Variants in RPN2 observed in about 807,000 individuals in gnomAD.
The protein encoded by RPN2 is dolichyl-diphosphooligosaccharide--protein glycosyltransferase subunit 2.
In RPN2, 29 loss-of-function variants were observed where a neutral mutation model predicts 71.4. That is an observed-to-expected ratio of 0.41 (90% CI 0.30 to 0.55). The LOEUF (loss-of-function observed/expected upper bound fraction) is 0.55, where lower values mean the gene tolerates loss of function less well. RPN2 is among the 20% of genes least tolerant of loss of function. The probability of loss-of-function intolerance (pLI) is 0.35; values close to 1 mark genes in which losing one functional copy is unlikely to be tolerated. For missense variants in RPN2, 726 were observed against 774.1 expected, an observed-to-expected ratio of 0.94 and a Z score of 0.74; for synonymous variants, 308 against 305.0, an observed-to-expected ratio of 1.01 and a Z score of -0.10.
At chr20:37,217,493 A>C (rs1037817636) in intron 9 of RPN2, among the ~76,000 whole-genome samples, 1 of 151,246 alleles carries the variant, frequency 6.6e-6, no homozygotes, top group Admixed American at 6.6e-5. Context: ...GGGTTTCACT[A>C]TGTTGGCCAG....
chr20:37,219,900 C>G (rs574548463), intron 9 of RPN2, among the ~76,000 whole-genome samples: 1 of 152,334 alleles, frequency 6.6e-6, no homozygotes, highest in African/African-American at 2.4e-5. Flanking sequence ...ACTCATAATT[C>G]TATTTCATTA....
At chr20:37,209,378 C>T (rs1359872052) in intron 7 of RPN2, among the ~76,000 whole-genome samples, 1 of 152,086 alleles carries the variant, frequency 6.6e-6, no homozygotes, top group African/African-American at 2.4e-5. Context: ...AGGCTGGTCC[C>T]AAACTCCTGG....
Position 37,238,872 on chromosome 20 carries a change from G to T in RPN2, c.1883+2163G>T. 4 of 519,508 alleles carry T rather than the reference G, an allele frequency of 7.7e-6. 1 individual carries two copies. The highest frequency in any genetic ancestry group is 5.6e-5 in the South Asian group (4 of 71,474). The allele number at this position is 519,508 out of a possible 1,614,324, so 32.2% of individuals were successfully genotyped here. On this transcript the variant is annotated intron_variant, in intron 16 of 16. Transcript: ENST00000237530. ...CTTGTCACTGTTTCTAGACTTTTCT[G>T]TAACACCGATCTCTAGTTGGGCTAA...
chr20:37,233,972 C>T (rs1446747001), intron 14 of RPN2, 48 bp from the exon 15 acceptor site: 1 of 1,599,572 alleles, frequency 6.3e-7, no homozygotes, highest in Non-Finnish European at 8.6e-7. Context: ...GTGTTGCTTC[C>T]CTTTTAAGTT....
intron 6 of RPN2, 141 bp downstream of exon 6, chr20:37,205,042 T>A: frequency 8.0e-7 from 1 of 1,252,980 alleles, no homozygotes; most frequent in South Asian, 1.4e-5. Context: ...GGATTAAGAA[T>A]GAGAAATAGA....
chr20:37,204,661 G>T, intron 5 of RPN2, 106 bp from the exon 6 acceptor site: 1 of 1,207,576 alleles, frequency 8.3e-7, no homozygotes, highest in Non-Finnish European at 1.2e-6. Flanking sequence ...TTCAGATTTA[G>T]AGTGAGAGAT....
intron 2 of RPN2, among the ~76,000 whole-genome samples, chr20:37,197,609 A>T (rs1007044247): frequency 1.3e-5 from 2 of 151,936 alleles, no homozygotes; most frequent in Non-Finnish European, 2.9e-5. Context: ...TTTCTTTTTT[A>T]TTTTTATTTT....
At chr20:37,210,336 T>G (rs1226677561) in intron 8 of RPN2, among the ~76,000 whole-genome samples, 171 bp downstream of exon 8, 5 of 152,212 alleles carry the variant, frequency 3.3e-5, no homozygotes, top group Non-Finnish European at 5.9e-5. Flanking sequence ...TTATTTGGTT[T>G]TACTGTTTCA....
intron 9 of RPN2, among the ~76,000 whole-genome samples, chr20:37,222,000 G>A (rs2067970519): frequency 6.6e-6 from 1 of 152,224 alleles, no homozygotes; most frequent in South Asian, 2.1e-4. Flanking sequence ...TGGGGAAAGT[G>A]CTCTCAGCAG....
Position 37,215,966 on chromosome 20 carries a change from A to G in RPN2, c.1092+2101A>G, listed in dbSNP as rs551365839. On this transcript the variant is annotated intron_variant, in intron 9 of 16. Transcript: ENST00000237530. Reference sequence around the variant, plus strand: ...GAGTGATATATGTTTAGTTGTGAGCATCAGATATCTTCCCCTAGAATTGCT... The same window carrying G: ...GAGTGATATATGTTTAGTTGTGAGCGTCAGATATCTTCCCCTAGAATTGCT... 2.0e-5 allele frequency among the ~76,000 whole-genome samples: 3 copies of G among 152,270 alleles called. No homozygotes were observed. The South Asian group carries it at 6.2e-4, about 32-fold the overall frequency.
intron 2 of RPN2, among the ~76,000 whole-genome samples, chr20:37,186,501 A>G (rs370731659): frequency 5.8e-4 from 88 of 152,294 alleles, no homozygotes; most frequent in Middle Eastern, 3.4e-3. Context: ...TTTTGTAGAG[A>G]TGAGGTCTCG....
intron 15 of RPN2, among the ~76,000 whole-genome samples, chr20:37,234,519 A>C (rs926904477): frequency 2.0e-5 from 3 of 152,322 alleles, no homozygotes; most frequent in East Asian, 1.9e-4. Context: ...TCCTTTCCAC[A>C]GTCAGACATG....
chr20:37,221,134 C>G (rs879669759), intron 9 of RPN2, among the ~76,000 whole-genome samples: 2 of 152,106 alleles, frequency 1.3e-5, no homozygotes, highest in Admixed American at 1.3e-4. Context: ...TAAGTGAAAA[C>G]CTAAAAGCTG....
At chr20:37,224,007 G>C in intron 10 of RPN2, 38 bp downstream of exon 10, 1 of 1,559,202 alleles carries the variant, frequency 6.4e-7, no homozygotes, top group Non-Finnish European at 8.8e-7. Context: ...GGGAGCTGAG[G>C]CTCAAGAGCT....
Position 37,228,660 on chromosome 20 carries a change from T to G in RPN2, c.1410T>G (p.Ile470Met). The change falls in exon 12 of 17, where the codon ATT becomes ATG. Residue 470 changes from isoleucine (I) to methionine (M), a missense_variant. Ile to Met is a conservative substitution (Grantham distance 10). Transcript: ENST00000237530. The part of the protein sequence containing the change: ...KFELDTSERK[I>M]EFDSASGTYT... ...AACTGGATACCTCTGAAAGAAAGAT[T>G]GAATTTGACTCTGCCTCTGGCACCT... 1 of 1,614,160 alleles carries G rather than the reference T, an allele frequency of 6.2e-7. No individual in the cohort carries two copies. Among genetic ancestry groups the G allele is most frequent in the South Asian group, 1.1e-5 (1 of 91,088 alleles).
intron 12 of RPN2, among the ~76,000 whole-genome samples, chr20:37,229,227 T>C (rs1399889411): frequency 6.6e-6 from 1 of 152,214 alleles, no homozygotes; most frequent in Non-Finnish European, 1.5e-5. Context: ...ATGTTGTTGT[T>C]TACATAGTGC....
At position 37,203,461 on chromosome 20, in the gene RPN2, C is replaced by T. The variant is rs6017499; in HGVS notation, c.480-424C>T. On this transcript the variant is annotated intron_variant, in intron 4 of 16. Coordinates refer to ENST00000237530, the MANE Select transcript of RPN2 (RefSeq NM_002951.5). ...CAACCTCTGCCTCCTGGGCCTCAGC[C>T]TCCCAAGTAGTTGGGACTACAAGCA... Among the ~76,000 whole-genome samples the T allele has an allele frequency of 4.7e-3, 710 of 151,566 alleles. 8 individuals are homozygous for T. Among genetic ancestry groups the T allele is most frequent in the African/African-American group, 0.016 (675 of 41,190 alleles).
At chr20:37,220,391 C>T (rs2067922374) in intron 9 of RPN2, among the ~76,000 whole-genome samples, 2 of 152,108 alleles carry the variant, frequency 1.3e-5, no homozygotes, top group African/African-American at 4.8e-5. Flanking sequence ...CTGTAATAGC[C>T]CTCATTGACA....
intron 11 of RPN2, among the ~76,000 whole-genome samples, chr20:37,226,783 A>G (rs1246320924): frequency 6.6e-6 from 1 of 152,172 alleles, no homozygotes; most frequent in Admixed American, 6.5e-5. Context: ...GTCCACTCAG[A>G]TACCCCCACT....
Sources: allele counts gnomAD v4.1 joint callset (sites outside exome capture counted in the v4.1 genomes callset), GRCh38; gene constraint gnomAD v4.1.1; transcripts MANE v1.5; gene names NCBI Gene and HGNC (gene_info 2026-07-23, HGNC 2026-07-21).